The following SRI variants were observed in gnomAD, a reference collection of about 807,000 sequenced individuals.
SRI encodes sorcin, also known as 22 kDa protein.
A neutral mutation model predicts 33.3 loss-of-function variants in SRI; 30 were observed. The observed-to-expected ratio is 0.90, with a 90% confidence interval of 0.67 to 1.22. The LOEUF is 1.22. Among genes scored for constraint, SRI ranks in the 50% most tolerant of loss-of-function variants. The probability of loss-of-function intolerance (pLI) is 0.00; values close to 1 mark genes in which losing one functional copy is unlikely to be tolerated. For synonymous variants in SRI, 75 were observed against 89.9 expected, an observed-to-expected ratio of 0.83 and a Z score of 0.94; for missense variants, 243 against 250.8, an observed-to-expected ratio of 0.97 and a Z score of 0.21.
In SRI at chr7:88,206,173, A is replaced by ACT; in HGVS notation, c.*304_*305insAG. Reference sequence around the variant, plus strand: ...TTTAGTGTCTCACAATGAAAAATAAATAATGTGACTTAAACATTTTGCATA... The same window carrying ACT: ...TTTAGTGTCTCACAATGAAAAATAAACTTAATGTGACTTAAACATTTTGCATA... On this transcript the variant is annotated 3_prime_UTR_variant, in exon 8 of 8. Coordinates refer to ENST00000265729, the MANE Select transcript of SRI (RefSeq NM_003130.4). The ACT allele has an allele frequency of 2.4e-6, 1 of 410,002 alleles. No individual in the cohort carries two copies. The highest frequency in any genetic ancestry group is 4.5e-6 in the Non-Finnish European group (1 of 222,884). The allele number at this position is 410,002 out of a possible 1,614,324, so 25.4% of individuals were successfully genotyped here.
intron 3 of SRI, among the ~76,000 whole-genome samples, chr7:88,215,413 A>G (rs1851681915): frequency 1.3e-5 from 2 of 152,238 alleles, no homozygotes; most frequent in African/African-American, 2.4e-5. Context: ...AGGATGTAGA[A>G]TAACAGGCCA....
upstream of SRI, among the ~76,000 whole-genome samples, chr7:88,222,788 G>T (rs2115826708): frequency 6.6e-6 from 1 of 152,256 alleles, no homozygotes; most frequent in East Asian, 1.9e-4. Context: ...GGGAAAACAG[G>T]CTAGCCATAT....
At chr7:88,209,565 A>C (rs1851519417) in intron 5 of SRI, 113 bp from the exon 6 acceptor site, 2 of 754,016 alleles carry the variant, frequency 2.7e-6, no homozygotes, top group Non-Finnish European at 4.6e-6. Context: ...ATTAATTATG[A>C]ACACACACAA....
rs117765182 is a variant in SRI at position 88,226,203 on chromosome 7, A to G, written c.6+706T>C. Among the ~76,000 whole-genome samples, 325 of 152,150 alleles carry G rather than the reference A, an allele frequency of 2.1e-3. 2 individuals are homozygous for G. Among genetic ancestry groups the G allele is most frequent in the Non-Finnish European group, 2.6e-3 (176 of 67,986 alleles). ...AAGCTAATTTTTGCAACCTAGGTCTATTTTTTCATAAAGGTCACTTTATGA... is the reference window on the plus strand; with the variant it reads ...AAGCTAATTTTTGCAACCTAGGTCTGTTTTTTCATAAAGGTCACTTTATGA... On this transcript the variant is annotated intron_variant, in intron 1 of 7. Transcript: ENST00000394641.
rs1851802566 is a variant in SRI at position 88,218,860 on chromosome 7, T to A, written c.134A>T (p.Gln45Leu). 1.2e-6 allele frequency: 2 copies of A among 1,614,064 alleles called. No homozygotes were observed. The highest frequency in any genetic ancestry group is 1.7e-6 in the Non-Finnish European group (2 of 1,179,960). ...LYGYFAAVAG[Q>L]DGQIDADELQ... is the part of the protein sequence containing the mutation. Reference sequence around the variant, plus strand: ...TTAATATTAAAGGGAAAAGCTAACCTGTCCAGCTACAGCAGCAAAGTAACC... The same window carrying A: ...TTAATATTAAAGGGAAAAGCTAACCAGTCCAGCTACAGCAGCAAAGTAACC... Residue 45 changes from glutamine (Q) to leucine (L), a missense_variant and splice_region_variant, in exon 2 of 8, where the codon CAG becomes CTG. Transcript: ENST00000265729.
At position 88,205,145 on chromosome 7, in the gene SRI, T is replaced by C. The variant is rs192854720; in HGVS notation, c.*1333A>G. ...AGAGAAAATGTTTTATTTTCATTAG[T>C]TGACAACTAGTTGTTCAGTTGAATG... On this transcript the variant is annotated 3_prime_UTR_variant, in exon 8 of 8. Transcript: ENST00000265729. 6 of 152,362 alleles carry C rather than the reference T, an allele frequency of 3.9e-5. No homozygotes were observed. Among genetic ancestry groups the C allele is most frequent in the Admixed American group, 2.6e-4 (4 of 15,302 alleles). 9.4% of individuals were successfully genotyped at this position (152,362 alleles called of 1,614,324 possible).
At chr7:88,217,324 T>TA (rs1851753815) in intron 2 of SRI, 133 bp from the exon 3 acceptor site, 1 of 754,182 alleles carries the variant, frequency 1.3e-6, no homozygotes, top group Middle Eastern at 3.8e-4. Flanking sequence ...GCCTTTTTTT[T>TA]ATTAAAAGGA....
chr7:88,225,768 G>A (rs1256993698), intron 1 of SRI, among the ~76,000 whole-genome samples: 2 of 152,158 alleles, frequency 1.3e-5, no homozygotes, highest in African/African-American at 4.8e-5. Context: ...TTCCTGAACA[G>A]AATGTGTTTC....
chr7:88,212,182 A>T (rs1851595283), intron 3 of SRI, among the ~76,000 whole-genome samples: 1 of 152,244 alleles, frequency 6.6e-6, no homozygotes, highest in Admixed American at 6.5e-5. Flanking sequence ...AATGTCTCCC[A>T]ACAGTGCAAA....
intron 3 of SRI, chr7:88,216,635 C>T (rs1851724045): frequency 1.2e-5 from 2 of 163,524 alleles, no homozygotes; most frequent in Non-Finnish European, 2.7e-5. Flanking sequence ...CAGTTAATGA[C>T]CCCTGACCTG....
rs200449322 is a variant in SRI, at chr7:88,209,378, C to T, written c.472G>A (p.Asp158Asn). ...AGTTTGACGCAGCAGGCGATGTAGT[C>T]GTCGAAGGTGATCTTTCCATTGGTG... is the stretch of plus-strand genomic sequence containing the variant. The part of the protein sequence containing the change: ...YSTNGKITFD[D>N]YIACCVKLRA... The change falls in exon 6 of 8, where the codon GAC (aspartate) becomes AAC (asparagine). Residue 158 changes from aspartate to asparagine, a missense_variant. Physicochemically the swap from Asp to Asn is conservative, Grantham distance 23. Coordinates refer to ENST00000265729, the MANE Select transcript of SRI (RefSeq NM_003130.4). The T allele has an allele frequency of 1.7e-5, 28 of 1,614,006 alleles. No individual in the cohort carries two copies. In the Admixed American group the frequency reaches 2.0e-4, roughly 12 times the overall value.
At chr7:88,219,950 C>G (rs555475185) in intron 1 of SRI, 26 bp downstream of exon 1, 3 of 1,538,260 alleles carry the variant, frequency 2.0e-6, no homozygotes, top group East Asian at 5.0e-5. Context: ...CCGCCTGGGC[C>G]GCGATCCCGC....
chr7:88,225,627 A>G (rs1851977972), intron 1 of SRI, among the ~76,000 whole-genome samples: 1 of 152,232 alleles, frequency 6.6e-6, no homozygotes, highest in Non-Finnish European at 1.5e-5. Flanking sequence ...GACTAATAGC[A>G]ATTCCAGTAT....
chr7:88,223,095 T>C (rs1851926210), upstream of SRI, among the ~76,000 whole-genome samples: 1 of 152,184 alleles, frequency 6.6e-6, no homozygotes, highest in Non-Finnish European at 1.5e-5. Flanking sequence ...TTTCGCTACC[T>C]ACTCATCTGA....
chr7:88,218,702 A>G (rs1851795130), intron 2 of SRI, 157 bp downstream of exon 2: 1 of 645,066 alleles, frequency 1.6e-6, no homozygotes, highest in Admixed American at 2.7e-5. Flanking sequence ...CTGAACATTC[A>G]GAAATAAAAA....
At chr7:88,224,309 A>C (rs374546859), upstream of SRI, among the ~76,000 whole-genome samples, 3 of 152,256 alleles carry the variant, frequency 2.0e-5, no homozygotes, top group East Asian at 3.8e-4. Flanking sequence ...TATAGTATCC[A>C]ACCTGGACTT....
At position 88,226,911 on chromosome 7, in the gene SRI, G is replaced by A. The variant is rs747964650; in HGVS notation, c.4C>T (p.Gln2Ter). 2.5e-6 allele frequency: 4 copies of A among 1,613,582 alleles called. No homozygotes were observed. The South Asian group carries it at 3.3e-5, about 13-fold the overall frequency. ...TTATATACATATCATTTACTTGCCTGCATCTTGAGTTGAAGTCTTATAGGT... is the reference window on the plus strand; with the variant it reads ...TTATATACATATCATTTACTTGCCTACATCTTGAGTTGAAGTCTTATAGGT... The change falls in exon 1 of 8, where the codon CAG becomes TAG. Residue 2 changes from glutamine to a stop codon, truncating the protein, a stop_gained and splice_region_variant. Transcript: ENST00000394641. LOFTEE classifies it high-confidence loss of function.
At chr7:88,222,935 C>T (rs1028963779), upstream of SRI, among the ~76,000 whole-genome samples, 8 of 151,964 alleles carry the variant, frequency 5.3e-5, no homozygotes, top group Non-Finnish European at 1.2e-4. Flanking sequence ...AGGACATAGG[C>T]ATGGGCAAGG....
chr7:88,214,722 C>G (rs538068857), intron 3 of SRI: 219 of 458,426 alleles, frequency 4.8e-4, no homozygotes, highest in Admixed American at 1.7e-3. Flanking sequence ...ATTATTAATT[C>G]AACATTTTGA....
Sources: allele counts gnomAD v4.1 joint callset (sites outside exome capture counted in the v4.1 genomes callset), GRCh38; gene constraint gnomAD v4.1.1; transcripts MANE v1.5; gene names NCBI Gene and HGNC (gene_info 2026-07-23, HGNC 2026-07-21).